The following CYBB variants were observed in gnomAD, a reference collection of about 807,000 sequenced individuals.
CYBB encodes cytochrome b-245 beta chain, also known as NADPH oxidase 2.
In CYBB, 5 loss-of-function variants were observed where a neutral mutation model predicts 46.5. That is an observed-to-expected ratio of 0.11 (90% confidence interval 0.06 to 0.23). The LOEUF is 0.23. CYBB is among the 10% of genes least tolerant of loss of function. CYBB has a pLI of 1.00. For missense variants in CYBB, 307 were observed against 428.3 expected (o/e 0.72, Z 2.50); for synonymous variants, 183 against 156.7 (o/e 1.17, Z -1.26).
At position 37,784,805 on chromosome X, in the gene CYBB, A is replaced by T. The variant is rs965354880; in HGVS notation, c.252+1205A>T. On this transcript the variant is annotated intron_variant, in intron 3 of 12. Transcript: ENST00000378588. ...AAACTACTTTTGTGGGAATGTAGGG[A>T]TTGTACAGGGCAGATGCCTGACATA... is the stretch of plus-strand genomic sequence containing the variant. Among the ~76,000 whole-genome samples, 5 of 112,032 alleles carry T rather than the reference A, an allele frequency of 4.5e-5. No individual in the cohort carries two copies. In the Admixed American group the frequency reaches 4.8e-4, roughly 11 times the overall value.
chrX:37,803,328 T>C (rs1340106802), intron 8 of CYBB, among the ~76,000 whole-genome samples: 2 of 110,856 alleles, frequency 1.8e-5, no homozygotes, highest in African/African-American at 6.5e-5. Flanking sequence ...TAAGGCCCTC[T>C]CTCATCCTCT....
At chrX:37,780,218 T>C (rs1174221449) in intron 1 of CYBB, 96 bp downstream of exon 1, 1 of 732,750 alleles carries the variant, frequency 1.4e-6, no homozygotes, top group South Asian at 2.2e-5. Context: ...ATTTGAGGAA[T>C]TGTGTTGAAA....
chrX:37,783,428 TG>T, intron 2 of CYBB, 61 bp from the exon 3 acceptor site: 1 of 737,254 alleles, frequency 1.4e-6, no homozygotes, highest in Non-Finnish European at 2.1e-6. Context: ...CTTGGGGAAG[TG>T]GGGACAGGGC....
chrX:37,804,786 G>A (rs1929519584), intron 9 of CYBB, among the ~76,000 whole-genome samples: 1 of 110,904 alleles, frequency 9.0e-6, no homozygotes. Context: ...CTGAGTTACC[G>A]AATGTTTTTG....
Position 37,795,889 on chromosome X carries a change from C to CGTGTGT in CYBB, c.484-62_484-61insGTGTGT. 4 of 690,031 alleles carry CGTGTGT rather than the reference C, an allele frequency of 5.8e-6. No individual in the cohort carries two copies. The South Asian group carries it at 7.0e-5, about 12-fold the overall frequency. 56.9% of individuals were successfully genotyped at this position (690,031 alleles called of 1,213,427 possible). On this transcript the variant is annotated intron_variant, in intron 5 of 12. Transcript: ENST00000378588. ...GAACCTATAATATTGTGCTTGCGCACATGTGTGTGTGTGTGTGTGTGTGTG... is the reference window on the plus strand; with the variant it reads ...GAACCTATAATATTGTGCTTGCGCACGTGTGTATGTGTGTGTGTGTGTGTGTGTGTG...
chrX:37,810,463 G>A (rs1405099899), intron 12 of CYBB, among the ~76,000 whole-genome samples: 2 of 112,152 alleles, frequency 1.8e-5, no homozygotes, highest in Admixed American at 1.9e-4. Context: ...ATTTCAAGAT[G>A]CCAGGGGGCA....
intron 3 of CYBB, among the ~76,000 whole-genome samples, chrX:37,790,264 A>T (rs1330648612): frequency 9.0e-6 from 1 of 111,387 alleles, no homozygotes; most frequent in Non-Finnish European, 1.9e-5. Context: ...TCTCATTTTT[A>T]CCCTCGTTTT....
Position 37,783,567 on chromosome X carries a change from A to G in CYBB, c.219A>G (p.Arg73=). The change falls in exon 3 of 13, where the codon CGA becomes CGG. Residue 73 remains arginine, a synonymous_variant. Coordinates refer to ENST00000378588, the MANE Select transcript of CYBB (RefSeq NM_000397.4). ...NCMLILLPVC[R]NLLSFLRGSS... ...TGCTGATTCTCTTGCCAGTCTGTCG[A>G]AATCTGCTGTCCTTCCTCAGGGGTT... is the stretch of plus-strand genomic sequence containing the variant. The G allele has an allele frequency of 1.7e-6, 2 of 1,206,495 alleles. No homozygotes were observed. The highest frequency in any genetic ancestry group is 2.2e-6 in the Non-Finnish European group (2 of 890,513).
intron 6 of CYBB, among the ~76,000 whole-genome samples, chrX:37,798,732 G>A (rs1929369108): frequency 8.9e-6 from 1 of 111,919 alleles, no homozygotes; most frequent in Admixed American, 9.5e-5. Flanking sequence ...CCTCTATAAT[G>A]TTACATGTAA....
intron 9 of CYBB, among the ~76,000 whole-genome samples, 199 bp downstream of exon 9, chrX:37,804,329 A>C (rs1929507636): frequency 8.9e-6 from 1 of 111,874 alleles, no homozygotes; most frequent in East Asian, 2.8e-4. Context: ...AAATATGAAA[A>C]CCTTGAATCA....
At chrX:37,789,554 C>G (rs1556466365) in intron 3 of CYBB, among the ~76,000 whole-genome samples, 3 of 85,918 alleles carry the variant, frequency 3.5e-5, no homozygotes, top group African/African-American at 1.3e-4. Context: ...AATAAATAAA[C>G]TATAAAGGAA....
intron 3 of CYBB, among the ~76,000 whole-genome samples, chrX:37,785,523 G>A (rs782348166): frequency 6.0e-4 from 67 of 112,064 alleles, no homozygotes; most frequent in African/African-American, 2.1e-3. Context: ...TAAGTGCCCA[G>A]TGAACATTTG....
chrX:37,807,316 A>G (rs1929586204), intron 11 of CYBB, among the ~76,000 whole-genome samples: 1 of 109,677 alleles, frequency 9.1e-6, no homozygotes, highest in African/African-American at 3.3e-5. Flanking sequence ...GATTCTGTAT[A>G]TATATATTTT....
rs1387059742 is a variant in CYBB at position 37,812,796 on chromosome X, G to A, written c.*1879G>A. 2.7e-5 allele frequency: 3 copies of A among 111,981 alleles called. No homozygotes were observed. The highest frequency in any genetic ancestry group is 5.6e-5 in the Non-Finnish European group (3 of 53,178). The allele number at this position is 111,981 out of a possible 1,213,427, so 9.2% of individuals were successfully genotyped here. A position where few individuals can be genotyped will look rare whatever the true frequency, so the allele number is the denominator to read the frequency against. The stretch of plus-strand genomic sequence containing the variant: ...TCTGAAATGTACCAGGATGGTTTCT[G>A]CTTAGAGACACTTAGGTCCAGCCTG... On this transcript the variant is annotated 3_prime_UTR_variant, in exon 13 of 13. Coordinates refer to ENST00000378588, the MANE Select transcript of CYBB (RefSeq NM_000397.4).
At position 37,811,013 on chromosome X, in the gene CYBB, CA is replaced by C. The variant is rs1929663482; in HGVS notation, c.*101del. On this transcript the variant is annotated 3_prime_UTR_variant, in exon 13 of 13. Transcript: ENST00000378588. The stretch of plus-strand genomic sequence containing the variant: ...TAAATACCCCCTGCTTAAAAATGGA[CA>C]AAAAGAAACTATAATGTAATGGTTT... The C allele has an allele frequency of 1.0e-5, 8 of 793,343 alleles. No homozygotes were observed. The East Asian group carries it at 2.8e-4, about 28-fold the overall frequency. The allele number at this position is 793,343 out of a possible 1,213,427, so 65.4% of individuals were successfully genotyped here.
intron 11 of CYBB, among the ~76,000 whole-genome samples, chrX:37,808,189 T>A (rs913713816): frequency 1.8e-5 from 2 of 111,763 alleles, no homozygotes; most frequent in African/African-American, 3.3e-5. Flanking sequence ...CTCAAAGTTC[T>A]GGAGGCTGGC....
Position 37,811,757 on chromosome X carries a change from A to T in CYBB, c.*840A>T, listed in dbSNP as rs1477830067. The T allele has an allele frequency of 8.9e-6, 1 of 112,141 alleles. No individual in the cohort carries two copies. The highest frequency in any genetic ancestry group is 1.9e-5 in the Non-Finnish European group (1 of 53,222). 9.2% of individuals were successfully genotyped at this position (112,141 alleles called of 1,213,427 possible). On this transcript the variant is annotated 3_prime_UTR_variant, in exon 13 of 13. Transcript: ENST00000378588. ...TACTGTCATAGACCAAAGGAATCTGATTCTCCCTAGGGTCAAGAACAGGCT... is the reference window on the plus strand; with the variant it reads ...TACTGTCATAGACCAAAGGAATCTGTTTCTCCCTAGGGTCAAGAACAGGCT...
At chrX:37,804,962 G>A in intron 9 of CYBB, 44 bp from the exon 10 acceptor site, 1 of 1,185,777 alleles carries the variant, frequency 8.4e-7, no homozygotes. Context: ...TCACTCTGAA[G>A]AGCAAGACAT....
At position 37,793,821 on chromosome X, in the gene CYBB, CA is replaced by C; in HGVS notation, c.483+12del. The C allele has an allele frequency of 8.4e-7, 1 of 1,193,972 alleles. No homozygotes were observed. Among genetic ancestry groups the C allele is most frequent in the Non-Finnish European group, 1.1e-6 (1 of 883,566 alleles). ...CGAAAGAGAATAAAGGTAAGCCTCT[CA>C]TTATCTGACTTAGATATTCTCTAGG... On this transcript the variant is annotated intron_variant, in intron 5 of 12. Transcript: ENST00000378588.
Sources: allele counts gnomAD v4.1 joint callset (sites outside exome capture counted in the v4.1 genomes callset), GRCh38; gene constraint gnomAD v4.1.1; transcripts MANE v1.5; gene names NCBI Gene and HGNC (gene_info 2026-07-23, HGNC 2026-07-21).